The following ADGRL3 variants were observed in gnomAD, a reference collection of about 807,000 sequenced individuals.
ADGRL3 encodes the protein calcium-independent alpha-latrotoxin receptor 3.
ADGRL3 carries 62 observed loss-of-function variants against 153.5 expected under a neutral mutation model. The ratio of observed to expected loss-of-function variants is 0.40; its 90% CI spans 0.33 to 0.50. The LOEUF is 0.50. ADGRL3 is among the 20% of genes least tolerant of loss of function. The probability of loss-of-function intolerance (pLI) is 0.47; values close to 1 mark genes in which losing one functional copy is unlikely to be tolerated. For synonymous variants in ADGRL3, 710 were observed against 672.5 expected, an observed-to-expected ratio of 1.06 and a Z score of -0.86; for missense variants, 1,641 against 1,859.4, an observed-to-expected ratio of 0.88 and a Z score of 2.16.
intron 9 of ADGRL3, among the ~76,000 whole-genome samples, chr4:61,863,953 T>A (rs368719807): frequency 2.0e-5 from 3 of 152,230 alleles, no homozygotes; most frequent in African/African-American, 4.8e-5. Context: ...TTGGTCAGAA[T>A]TGATTATTTC....
At chr4:61,421,229 G>C (rs533343601) in intron 2 of ADGRL3, among the ~76,000 whole-genome samples, 172 of 152,254 alleles carry the variant, frequency 1.1e-3, no homozygotes, top group African/African-American at 3.9e-3. Flanking sequence ...AGCTACTTGG[G>C]AGGCTGAGGC....
intron 2 of ADGRL3, among the ~76,000 whole-genome samples, chr4:61,445,789 A>T (rs2097575511): frequency 6.6e-6 from 1 of 152,232 alleles, no homozygotes; most frequent in South Asian, 2.1e-4. Flanking sequence ...TCAGTCAATG[A>T]AAGCCCTCAT....
intron 21 of ADGRL3, among the ~76,000 whole-genome samples, chr4:62,015,950 C>T (rs552626622): frequency 3.0e-4 from 46 of 151,982 alleles, no homozygotes; most frequent in African/African-American, 8.9e-4. Context: ...CTAAGGTATA[C>T]GCTTTCAAAG....
At chr4:61,620,609 AT>A (rs1000843841) in intron 5 of ADGRL3, among the ~76,000 whole-genome samples, 8 of 131,624 alleles carry the variant, frequency 6.1e-5, no homozygotes, top group Non-Finnish European at 1.1e-4. Context: ...AATCTGGTGT[AT>A]GGTATATATA....
At chr4:61,795,759 G>T (rs576559732) in intron 8 of ADGRL3, among the ~76,000 whole-genome samples, 1 of 151,990 alleles carries the variant, frequency 6.6e-6, no homozygotes, top group Non-Finnish European at 1.5e-5. Flanking sequence ...TTTTTATTCC[G>T]CTTCCCCAAG....
At chr4:61,815,787 T>A (rs1419280565) in intron 9 of ADGRL3, among the ~76,000 whole-genome samples, 1 of 152,178 alleles carries the variant, frequency 6.6e-6, no homozygotes, top group Admixed American at 6.5e-5. Flanking sequence ...GGTAGGTCCT[T>A]TTTGCTCTTA....
intron 1 of ADGRL3, among the ~76,000 whole-genome samples, chr4:61,350,541 C>A (rs2096023028): frequency 6.6e-6 from 1 of 152,026 alleles, no homozygotes; most frequent in Admixed American, 6.6e-5. Flanking sequence ...TTGGGACAAT[C>A]CTTCATTGAA....
Position 61,551,426 on chromosome 4 carries a change from TTTGA to T in ADGRL3, c.259+33911_259+33914del, listed in dbSNP as rs1327620171. ...GGGTATTTTTATGTTAAAAAAGTGT[TTTGA>T]TTATTTTTCTCATACATCAAAACTA... On this transcript the variant is annotated intron_variant, in intron 4 of 26. Coordinates refer to ENST00000683033, the MANE Select transcript of ADGRL3 (RefSeq NM_001387552.1). Among the ~76,000 whole-genome samples the T allele has an allele frequency of 2.6e-5, 4 of 152,150 alleles. No individual in the cohort carries two copies. In the East Asian group the frequency reaches 7.7e-4, roughly 29 times the overall value.
chr4:61,204,361 T>C (rs1159645962), intron 1 of ADGRL3, among the ~76,000 whole-genome samples: 5 of 152,248 alleles, frequency 3.3e-5, no homozygotes, highest in Non-Finnish European at 7.3e-5. Flanking sequence ...TTCTAGATGA[T>C]ACGTATTAAA....
intron 4 of ADGRL3, among the ~76,000 whole-genome samples, chr4:61,542,686 T>A (rs2098695903): frequency 6.6e-6 from 1 of 152,200 alleles, no homozygotes; most frequent in African/African-American, 2.4e-5. Flanking sequence ...ATGGAATGAT[T>A]TACTTTAATG....
chr4:61,465,632 G>A (rs1579016554), intron 2 of ADGRL3, among the ~76,000 whole-genome samples: 1 of 150,750 alleles, frequency 6.6e-6, no homozygotes, highest in East Asian at 2.0e-4. Flanking sequence ...GTATATTTCT[G>A]ACTGCTAAAT....
chr4:61,644,434 T>C (rs2093857506), intron 5 of ADGRL3, among the ~76,000 whole-genome samples: 2 of 152,198 alleles, frequency 1.3e-5, no homozygotes, highest in Admixed American at 6.5e-5. Context: ...TTTAGCGCTA[T>C]AAATTTCCCT....
intron 4 of ADGRL3, among the ~76,000 whole-genome samples, chr4:61,529,487 G>A (rs1396097937): frequency 1.3e-5 from 2 of 152,124 alleles, no homozygotes; most frequent in Non-Finnish European, 2.9e-5. Flanking sequence ...AAAGTGTCCT[G>A]ATTTGGGTGA....
rs1734675840 is a variant in ADGRL3, at chr4:61,201,551, CTT to C, written c.-450_-449del. 6.6e-6 allele frequency: 1 copy of C among 152,224 alleles called. No homozygotes were observed. The highest frequency in any genetic ancestry group is 2.4e-5 in the African/African-American group (1 of 41,430). 9.4% of individuals were successfully genotyped at this position (152,224 alleles called of 1,614,324 possible). ...TGTAGCGGAAGAAAGGGAAGAGAGA[CTT>C]TTTGTTGTTGTTTCCTTGACTGGGG... On this transcript the variant is annotated 5_prime_UTR_variant, in exon 1 of 27. Transcript: ENST00000683033.
intron 8 of ADGRL3, among the ~76,000 whole-genome samples, chr4:61,805,440 C>A (rs2097543646): frequency 6.6e-6 from 1 of 152,114 alleles, no homozygotes; most frequent in Non-Finnish European, 1.5e-5. Flanking sequence ...AGGGAACAAA[C>A]CTCTTTGTTG....
At chr4:62,011,399 G>T (rs1277380747) in intron 21 of ADGRL3, among the ~76,000 whole-genome samples, 1 of 152,024 alleles carries the variant, frequency 6.6e-6, no homozygotes, top group African/African-American at 2.4e-5. Context: ...ACTGAGGAGA[G>T]CTTAGCAAGG....
At chr4:61,978,473 G>T (rs1032663670) in intron 17 of ADGRL3, among the ~76,000 whole-genome samples, 13 of 152,104 alleles carry the variant, frequency 8.5e-5, no homozygotes, top group African/African-American at 2.4e-4. Flanking sequence ...TTCTGCTACT[G>T]ATAGAAGTTA....
intron 22 of ADGRL3, among the ~76,000 whole-genome samples, chr4:62,029,704 GTT>G (rs11337568): frequency 1.5e-3 from 196 of 134,208 alleles, no homozygotes; most frequent in African/African-American, 2.2e-3. Flanking sequence ...TTCTTTTGTT[GTT>G]TTTTTTTTTT....
intron 1 of ADGRL3, among the ~76,000 whole-genome samples, chr4:61,241,895 A>C (rs1755119961): frequency 6.6e-6 from 1 of 152,110 alleles, no homozygotes; most frequent in South Asian, 2.1e-4. Flanking sequence ...AGATGTCAGA[A>C]TAGATCTGAT....
Sources: allele counts gnomAD v4.1 joint callset (sites outside exome capture counted in the v4.1 genomes callset), GRCh38; gene constraint gnomAD v4.1.1; transcripts MANE v1.5; gene names NCBI Gene and HGNC (gene_info 2026-07-23, HGNC 2026-07-21).